Variants in CYP2E1 observed in about 807,000 individuals in gnomAD.
The protein encoded by CYP2E1 is cytochrome P450 2E1.
A neutral mutation model predicts 42.9 loss-of-function variants in CYP2E1; 31 were observed. The ratio of observed to expected loss-of-function variants is 0.72; its 90% CI spans 0.54 to 0.98. The LOEUF (loss-of-function observed/expected upper bound fraction) is 0.98, where lower values mean the gene tolerates loss of function less well. Among genes scored for constraint, CYP2E1 ranks in the 50% least tolerant of loss-of-function variants. The pLI is 0.00. For missense variants in CYP2E1, 565 were observed against 633.2 expected (o/e 0.89, Z 1.16); for synonymous variants, 244 against 248.9 (o/e 0.98, Z 0.19).
Position 133,531,688 on chromosome 10 carries a change from C to T in CYP2E1, c.441C>T (p.Ile147=). The T allele has an allele frequency of 6.2e-7, 1 of 1,611,788 alleles. No individual in the cohort carries two copies. ...GGAAACAGGGCAATGAGAGCCGGATCCAGAGGGAGGCCCACTTCCTGCTGG... is the reference window on the plus strand; with the variant it reads ...GGAAACAGGGCAATGAGAGCCGGATTCAGAGGGAGGCCCACTTCCTGCTGG... The part of the protein sequence containing the change: ...GMGKQGNESR[I]QREAHFLLEA... The change falls in exon 3 of 9, where the codon ATC becomes ATT. Residue 147 remains isoleucine (I), a synonymous_variant. Coordinates refer to ENST00000252945, the MANE Select transcript of CYP2E1 (RefSeq NM_000773.4).
intron 5 of CYP2E1, among the ~76,000 whole-genome samples, chr10:133,533,233 C>A (rs1380302977): frequency 6.6e-6 from 1 of 152,196 alleles, no homozygotes; most frequent in Non-Finnish European, 1.5e-5. Flanking sequence ...CCAGGCCTCC[C>A]CAGCTTCATC....
Position 133,532,674 on chromosome 10 carries a change from A to G in CYP2E1, c.649-18A>G, listed in dbSNP as rs777423065. 11 of 1,556,828 alleles carry G rather than the reference A, an allele frequency of 7.1e-6. No individual in the cohort carries two copies. Among genetic ancestry groups the G allele is most frequent in the South Asian group, 4.9e-5 (4 of 81,236 alleles). On this transcript the variant is annotated intron_variant, in intron 4 of 8. Transcript: ENST00000252945. Reference sequence around the variant, plus strand: ...TGCATCCAGAAAAAAGTAGTAAAATATTTTTTTCCCTCTCTAGCTTTACAA... The same window carrying G: ...TGCATCCAGAAAAAAGTAGTAAAATGTTTTTTTCCCTCTCTAGCTTTACAA...
In CYP2E1 at chr10:133,528,405, C is replaced by T. The variant is rs865951861; in HGVS notation, c.178-76C>T. The T allele has an allele frequency of 1.2e-5, 18 of 1,551,472 alleles. No homozygotes were observed. The East Asian group carries it at 1.6e-4, about 14-fold the overall frequency. ...CTCTAGAGCAACAGCAATACCCGCC[C>T]GGCAGGGGTGTGGCTTAGAGCCCCG... On this transcript the variant is annotated intron_variant, in intron 1 of 8. Transcript: ENST00000252945.
At chr10:133,538,200 C>T (rs1325624619) in intron 8 of CYP2E1, among the ~76,000 whole-genome samples, 1 of 152,044 alleles carries the variant, frequency 6.6e-6, no homozygotes, top group Non-Finnish European at 1.5e-5. Context: ...TAGTGAAAAG[C>T]TCTCAAAGCC....
At chr10:133,538,721 A>T in intron 8 of CYP2E1, 59 bp from the exon 9 acceptor site, 1 of 1,487,114 alleles carries the variant, frequency 6.7e-7, no homozygotes, top group Non-Finnish European at 9.3e-7. Flanking sequence ...TCTCACTGTT[A>T]ACAGTGTCGT....
chr10:133,528,925 G>T (rs1253028105), intron 2 of CYP2E1, among the ~76,000 whole-genome samples: 3 of 152,032 alleles, frequency 2.0e-5, no homozygotes, highest in Admixed American at 2.0e-4. Flanking sequence ...CACCCCCACC[G>T]TTCCGCCTCT....
chr10:133,535,158 A>G (rs1406256120), intron 6 of CYP2E1, among the ~76,000 whole-genome samples: 6 of 151,816 alleles, frequency 4.0e-5, no homozygotes, highest in Non-Finnish European at 7.4e-5. Flanking sequence ...ACATGATGAA[A>G]CCCTGTCTCT....
At chr10:133,533,444 G>A (rs1251830653) in intron 5 of CYP2E1, among the ~76,000 whole-genome samples, 1 of 152,224 alleles carries the variant, frequency 6.6e-6, no homozygotes, top group African/African-American at 2.4e-5. Context: ...TAGCAGGAGG[G>A]GTTAGCAGGA....
chr10:133,527,433 G>T lies in CYP2E1; in HGVS notation c.38G>T (p.Trp13Leu), dbSNP rs757352167. Residue 13 changes from tryptophan (W) to leucine (L), a missense_variant, in exon 1 of 9, where the codon TGG (tryptophan) becomes TTG (leucine). Coordinates refer to ENST00000252945, the MANE Select transcript of CYP2E1 (RefSeq NM_000773.4). ...ALGVTVALLV[W>L]AAFLLLVSMW... Reference sequence around the variant, plus strand: ...GGAGTCACCGTGGCCCTGCTGGTGTGGGCGGCCTTCCTCCTGCTGGTGTCC... The same window carrying T: ...GGAGTCACCGTGGCCCTGCTGGTGTTGGCGGCCTTCCTCCTGCTGGTGTCC... The T allele has an allele frequency of 6.2e-7, 1 of 1,613,150 alleles. No homozygotes were observed. Among genetic ancestry groups the T allele is most frequent in the Non-Finnish European group, 8.5e-7 (1 of 1,179,756 alleles).
chr10:133,538,687 C>A, intron 8 of CYP2E1, 93 bp from the exon 9 acceptor site: 2 of 1,149,608 alleles, frequency 1.7e-6, no homozygotes, highest in Non-Finnish European at 2.6e-6. Context: ...TTGCCCACAG[C>A]CTCCTCCTCC....
intron 2 of CYP2E1, among the ~76,000 whole-genome samples, chr10:133,530,744 A>G (rs1851326293): frequency 6.6e-6 from 1 of 152,178 alleles, no homozygotes; most frequent in African/African-American, 2.4e-5. Context: ...AGGAAGACGG[A>G]GAGCGAGGGA....
chr10:133,536,414 C>CGGATGGAT (rs1314200001), intron 6 of CYP2E1, among the ~76,000 whole-genome samples: 2 of 137,090 alleles, frequency 1.5e-5, no homozygotes, highest in Non-Finnish European at 3.2e-5. Flanking sequence ...GATGGACGGA[C>CGGATGGAT]GGATGGATGG....
At position 133,532,167 on chromosome 10, in the gene CYP2E1, C is replaced by T; in HGVS notation, c.531C>T (p.Cys177=). The T allele has an allele frequency of 6.2e-7, 1 of 1,614,012 alleles. No individual in the cohort carries two copies. Among genetic ancestry groups the T allele is most frequent in the East Asian group, 2.2e-5 (1 of 44,872 alleles). The stretch of plus-strand genomic sequence containing the variant: ...CCTTCCTCATCGGCTGCGCGCCCTG[C>T]AACGTCATAGCCGACATCCTCTTCC... ...DPTFLIGCAP[C]NVIADILFRK... Residue 177 remains cysteine (C), a synonymous_variant, in exon 4 of 9, where the codon TGC becomes TGT. Transcript: ENST00000252945.
In CYP2E1 at chr10:133,527,521, C is replaced by T. The variant is rs1357584379; in HGVS notation, c.126C>T (p.Ile42=). 5.0e-6 allele frequency: 8 copies of T among 1,613,392 alleles called. No homozygotes were observed. The highest frequency in any genetic ancestry group is 4.0e-5 in the African/African-American group (3 of 74,918). The change falls in exon 1 of 9, where the codon ATC becomes ATT. Residue 42 remains isoleucine, a synonymous_variant. Coordinates refer to ENST00000252945, the MANE Select transcript of CYP2E1 (RefSeq NM_000773.4). The part of the protein sequence containing the change: ...LPPGPFPLPI[I]GNLFQLELKN... ...CAGGCCCTTTCCCGCTTCCCATCAT[C>T]GGGAACCTCTTCCAGTTGGAATTGA...
At chr10:133,533,412 G>T (rs1171768806) in intron 5 of CYP2E1, among the ~76,000 whole-genome samples, 2 of 152,200 alleles carry the variant, frequency 1.3e-5, no homozygotes, top group African/African-American at 2.4e-5. Context: ...TTGGCCCCTC[G>T]TGGCAGCAGA....
At chr10:133,534,715 G>A (rs577058833) in intron 6 of CYP2E1, among the ~76,000 whole-genome samples, 1 of 152,262 alleles carries the variant, frequency 6.6e-6, no homozygotes, top group South Asian at 2.1e-4. Context: ...TGCTGCTAAT[G>A]GTCACTTGTG....
intron 6 of CYP2E1, among the ~76,000 whole-genome samples, chr10:133,536,309 C>G (rs1851394939): frequency 6.6e-6 from 1 of 152,010 alleles, no homozygotes; most frequent in Non-Finnish European, 1.5e-5. Context: ...TCCAGTAATT[C>G]AAAGGACCTG....
chr10:133,534,758 A>G (rs1795028436), intron 6 of CYP2E1, among the ~76,000 whole-genome samples: 1 of 152,106 alleles, frequency 6.6e-6, no homozygotes, highest in African/African-American at 2.4e-5. Flanking sequence ...GAAAGCAGGT[A>G]TTATAGGCTA....
At chr10:133,532,541 T>C (rs1353049699) in intron 4 of CYP2E1, 151 bp from the exon 5 acceptor site, 12 of 779,158 alleles carry the variant, frequency 1.5e-5, no homozygotes, top group Non-Finnish European at 2.3e-5. Flanking sequence ...CTGAGGAGAA[T>C]GGTGCCCAAG....
Sources: allele counts gnomAD v4.1 joint callset (sites outside exome capture counted in the v4.1 genomes callset), GRCh38; gene constraint gnomAD v4.1.1; transcripts MANE v1.5; gene names NCBI Gene and HGNC (gene_info 2026-07-23, HGNC 2026-07-21).